TF: variants seen among roughly 807,000 people sequenced by gnomAD.
The protein encoded by TF is transferrin, also known as serotransferrin.
In TF, 55 loss-of-function variants were observed where a neutral mutation model predicts 82.4. The ratio of observed to expected loss-of-function variants is 0.67; its 90% CI spans 0.54 to 0.84. The LOEUF is 0.84. Among genes scored for constraint, TF ranks in the 40% least tolerant of loss-of-function variants. The pLI is 0.00. For synonymous variants in TF, 332 were observed against 332.6 expected (o/e 1.00, Z 0.02); for missense variants, 737 against 868.4 (o/e 0.85, Z 1.90).
intron 2 of TF, among the ~76,000 whole-genome samples, chr3:133,751,456 C>T (rs1203225725): frequency 6.6e-6 from 1 of 151,978 alleles, no homozygotes; most frequent in Non-Finnish European, 1.5e-5. Flanking sequence ...TGGTCTCGAT[C>T]TCCTGACCTC....
intron 1 of TF, chr3:133,748,192 A>C: frequency 1.6e-6 from 1 of 608,886 alleles, no homozygotes. Context: ...CCCTCTGGCC[A>C]GCAGAGGGTG....
upstream of TF, among the ~76,000 whole-genome samples, chr3:133,741,714 A>G (rs1338945429): frequency 6.6e-6 from 1 of 152,224 alleles, no homozygotes; most frequent in Non-Finnish European, 1.5e-5. Context: ...CTAATATGAT[A>G]TATTACAGTG....
the TF span, among the ~76,000 whole-genome samples, chr3:133,684,116 G>A: frequency 3.3e-5 from 5 of 152,158 alleles, no homozygotes; most frequent in Non-Finnish European, 7.3e-5. Flanking sequence ...GGTACATAAT[G>A]AAATGAAGGC....
the TF span, among the ~76,000 whole-genome samples, chr3:133,739,520 G>A: frequency 2.0e-5 from 3 of 151,994 alleles, no homozygotes; most frequent in East Asian, 1.9e-4. Flanking sequence ...TCATCAGAGT[G>A]AACAGGCAAC....
At chr3:133,717,027 A>G in the TF span, among the ~76,000 whole-genome samples, 2 of 152,190 alleles carry the variant, frequency 1.3e-5, no homozygotes, top group East Asian at 1.9e-4. Context: ...GTAATTTTCA[A>G]CCTATAAACA....
At chr3:133,765,944 T>G (rs1468007019) in intron 11 of TF, among the ~76,000 whole-genome samples, 1 of 152,250 alleles carries the variant, frequency 6.6e-6, no homozygotes, top group East Asian at 1.9e-4. Flanking sequence ...TGTGGTTACA[T>G]TAGCTGTTTC....
the TF span, among the ~76,000 whole-genome samples, chr3:133,733,404 T>C: frequency 6.6e-6 from 1 of 152,192 alleles, no homozygotes; most frequent in Non-Finnish European, 1.5e-5. Context: ...CGAGGTGTCC[T>C]GTAAATAGTG....
chr3:133,681,662 C>T, the TF span, among the ~76,000 whole-genome samples: 1 of 152,062 alleles, frequency 6.6e-6, no homozygotes, highest in Admixed American at 6.5e-5. Flanking sequence ...GAGGGGCGCC[C>T]CTCATTGCTG....
At chr3:133,683,038 G>A in the TF span, among the ~76,000 whole-genome samples, 1 of 152,122 alleles carries the variant, frequency 6.6e-6, no homozygotes, top group Non-Finnish European at 1.5e-5. Flanking sequence ...AAGAGAGTGG[G>A]GGCCAATATT....
Position 133,751,079 on chromosome 3 carries a change from AATAG to A in TF, c.216+2499_216+2502del, listed in dbSNP as rs895699474. On this transcript the variant is annotated intron_variant, in intron 2 of 16. Transcript: ENST00000402696. ...CAACCCAAATATCCATTGATGAGTGAATAGATAAATAAAATGTGGTAAACACAAA... is the reference window on the plus strand; with the variant it reads ...CAACCCAAATATCCATTGATGAGTGAATAAATAAAATGTGGTAAACACAAA... Among the ~76,000 whole-genome samples, 173 of 152,320 alleles carry A rather than the reference AATAG, an allele frequency of 1.1e-3. 1 individual carries two copies. Among genetic ancestry groups the A allele is most frequent in the Middle Eastern group, 3.4e-3 (1 of 294 alleles).
At chr3:133,690,566 T>A in the TF span, among the ~76,000 whole-genome samples, 1 of 152,168 alleles carries the variant, frequency 6.6e-6, no homozygotes, top group Admixed American at 6.6e-5. Context: ...GTCATAAAGA[T>A]GTGCATAAAT....
At position 133,786,222 on chromosome 3, in the gene TF, T is replaced by TAAAAAAAAAAAAAAAAAAAAAAAAA. The variant is rs1553742153; in HGVS notation, c.*7620_*7621insAAAAAAAAAAAAAAAAAAAAAAAAA. 2 of 84,352 alleles carry TAAAAAAAAAAAAAAAAAAAAAAAAA rather than the reference T, an allele frequency of 2.4e-5. No homozygotes were observed. The highest frequency in any genetic ancestry group is 7.9e-5 in the African/African-American group (2 of 25,396). 5.2% of individuals were successfully genotyped at this position (84,352 alleles called of 1,614,324 possible). A position where few individuals can be genotyped will look rare whatever the true frequency, so the allele number is the denominator to read the frequency against. ...AAGAATTATCAATAAAAAAATAAAT[T>TAAAAAAAAAAAAAAAAAAAAAAAAA]AAAAAAAAAAAAAAAAAACAATACT... On this transcript the variant is annotated 3_prime_UTR_variant, in exon 17 of 17. Coordinates refer to ENST00000402696, the MANE Select transcript of TF (RefSeq NM_001063.4).
the TF span, among the ~76,000 whole-genome samples, chr3:133,687,859 T>C: frequency 6.6e-6 from 1 of 152,258 alleles, no homozygotes; most frequent in South Asian, 2.1e-4. Flanking sequence ...GTTTCCACTG[T>C]TCAGCTATTG....
chr3:133,718,750 C>G, the TF span, among the ~76,000 whole-genome samples: 1 of 152,222 alleles, frequency 6.6e-6, no homozygotes, highest in Admixed American at 6.5e-5. Flanking sequence ...CTTTGAGAAC[C>G]ATTAGTCTAG....
the TF span, among the ~76,000 whole-genome samples, chr3:133,713,945 T>C: frequency 6.6e-6 from 1 of 152,056 alleles, no homozygotes; most frequent in Non-Finnish European, 1.5e-5. Context: ...CAACAGCACA[T>C]AAATAAAGGG....
the TF span, among the ~76,000 whole-genome samples, chr3:133,710,960 G>A: frequency 1.4e-4 from 22 of 152,214 alleles, no homozygotes; most frequent in Non-Finnish European, 2.6e-4. Context: ...CAAGCCACCA[G>A]TGGCCTCCAT....
chr3:133,674,544 G>T, the TF span, among the ~76,000 whole-genome samples: 18 of 152,342 alleles, frequency 1.2e-4, no homozygotes, highest in Admixed American at 3.3e-4. Context: ...TTGCTCCGGC[G>T]GGGTAAAGCC....
At chr3:133,753,752 ATGC>A (rs1933742165) in intron 3 of TF, 49 bp downstream of exon 3, 2 of 1,439,740 alleles carry the variant, frequency 1.4e-6, no homozygotes, top group Non-Finnish European at 2.0e-6. Context: ...CTTATTCTAT[ATGC>A]TGAGTGCTGT....
chr3:133,702,446 G>T, the TF span, among the ~76,000 whole-genome samples: 11 of 151,740 alleles, frequency 7.2e-5, no homozygotes, highest in Non-Finnish European at 1.2e-4. Context: ...ATTTTTTCTG[G>T]TTATAAAATA....
Sources: gnomAD v4.1 joint callset for allele counts (sites outside exome capture counted in the v4.1 genomes callset) on GRCh38, gnomAD v4.1.1 for gene constraint, MANE v1.5 for transcripts, NCBI Gene and HGNC (gene_info 2026-07-23, HGNC 2026-07-21) for gene names.